The following C10orf143 variants were observed in gnomAD, a reference collection of about 807,000 sequenced individuals.
The protein encoded by C10orf143 is uncharacterized protein C10orf143.
intron 1 of C10orf143, among the ~76,000 whole-genome samples, chr10:130,102,417 C>T (rs1448884931): frequency 6.6e-6 from 1 of 152,112 alleles, no homozygotes; most frequent in African/African-American, 2.4e-5. Context: ...GGATTATAGG[C>T]GCCTGCCACC....
chr10:130,103,462 C>T (rs943636045), intron 1 of C10orf143, among the ~76,000 whole-genome samples: 1 of 152,006 alleles, frequency 6.6e-6, no homozygotes, highest in Non-Finnish European at 1.5e-5. Context: ...TGTACTCCAG[C>T]CTGGGTGACA....
At chr10:130,093,324 T>A (rs1269791360) in intron 1 of C10orf143, among the ~76,000 whole-genome samples, 1 of 152,066 alleles carries the variant, frequency 6.6e-6, no homozygotes, top group Admixed American at 6.5e-5. Flanking sequence ...AATAGGTAAA[T>A]AACGAAATTA....
chr10:130,080,619 G>A (rs649830), intron 1 of C10orf143, among the ~76,000 whole-genome samples: 91,405 of 151,996 alleles, frequency 0.6, 28,205 homozygotes, highest in Admixed American at 0.71. Flanking sequence ...CACCCCAGGA[G>A]CCCTGGCAGC....
At chr10:130,035,941 C>G (rs1386592306) in exon 4 of C10orf143, 2 of 152,180 alleles carry the variant, frequency 1.3e-5, no homozygotes, top group African/African-American at 4.8e-5. Context: ...TCCCGGCTTG[C>G]CAATGCCTGT....
intron 1 of C10orf143, among the ~76,000 whole-genome samples, chr10:130,091,038 C>A (rs187288713): frequency 6.6e-6 from 1 of 152,190 alleles, no homozygotes; most frequent in African/African-American, 2.4e-5. Flanking sequence ...AAGAGAGAAG[C>A]GGGATCTCCT....
At chr10:130,076,690 C>A (rs1312861761) in intron 3 of C10orf143, among the ~76,000 whole-genome samples, 1 of 152,214 alleles carries the variant, frequency 6.6e-6, no homozygotes, top group East Asian at 1.9e-4. Context: ...AGACCTCTGG[C>A]AGACCCCTAA....
chr10:130,060,690 A>G (rs149467533), downstream of C10orf143, among the ~76,000 whole-genome samples: 734 of 151,826 alleles, frequency 4.8e-3, 5 homozygotes, highest in African/African-American at 0.016. Flanking sequence ...CGGGCGTGGT[A>G]GCGGGCACCT....
intron 1 of C10orf143, among the ~76,000 whole-genome samples, chr10:130,098,887 A>G (rs1861503454): frequency 6.6e-6 from 1 of 152,112 alleles, no homozygotes; most frequent in Admixed American, 6.6e-5. Flanking sequence ...GGAGTTCAAG[A>G]CCAGCCTGGC....
chr10:130,077,056 A>G (rs1861130256), intron 3 of C10orf143, among the ~76,000 whole-genome samples: 1 of 152,154 alleles, frequency 6.6e-6, no homozygotes, highest in African/African-American at 2.4e-5. Context: ...CCTAAATAAT[A>G]ATGTACAGCA....
At chr10:130,091,284 T>C (rs1041251205) in intron 1 of C10orf143, among the ~76,000 whole-genome samples, 1 of 152,230 alleles carries the variant, frequency 6.6e-6, no homozygotes, top group African/African-American at 2.4e-5. Context: ...AAACAGGGTC[T>C]GGAGTGGACC....
intron 1 of C10orf143, chr10:130,107,174 C>A: frequency 6.4e-7 from 1 of 1,550,786 alleles, no homozygotes; most frequent in Non-Finnish European, 8.9e-7. Context: ...TCAGAAGCTT[C>A]AACAGAAACT....
At chr10:130,074,750 C>T (rs996741092) in intron 3 of C10orf143, among the ~76,000 whole-genome samples, 1 of 151,994 alleles carries the variant, frequency 6.6e-6, no homozygotes, top group Non-Finnish European at 1.5e-5. Flanking sequence ...TAAAGGTAAC[C>T]CATTTGGAGA....
At chr10:130,049,464 C>G (rs1384647035) in intron 3 of C10orf143, among the ~76,000 whole-genome samples, 1 of 152,176 alleles carries the variant, frequency 6.6e-6, no homozygotes, top group African/African-American at 2.4e-5. Context: ...GTGCGGCAGA[C>G]CGGGCAGCCC....
At chr10:130,042,697 C>T in intron 3 of C10orf143, among the ~76,000 whole-genome samples, 1 of 152,220 alleles carries the variant, frequency 6.6e-6, no homozygotes, top group East Asian at 1.9e-4. Flanking sequence ...TGCCGAAAGC[C>T]ACATACTGTT....
At chr10:130,070,590 G>C (rs1005856891) in intron 3 of C10orf143, among the ~76,000 whole-genome samples, 2 of 152,134 alleles carry the variant, frequency 1.3e-5, no homozygotes, top group African/African-American at 4.8e-5. Flanking sequence ...TAAAACATTA[G>C]ATATCACCAA....
At chr10:130,071,748 C>A (rs1263813175) in intron 3 of C10orf143, among the ~76,000 whole-genome samples, 1 of 152,186 alleles carries the variant, frequency 6.6e-6, no homozygotes, top group Admixed American at 6.5e-5. Flanking sequence ...CTGCCTCAGC[C>A]TCCCGAGTAG....
chr10:130,110,622 C>G, intron 1 of C10orf143, 82 bp downstream of exon 1: 1 of 398,366 alleles, frequency 2.5e-6, no homozygotes, highest in South Asian at 1.3e-4. Context: ...CAGGGCCGCG[C>G]CGGCAAAAAC....
At chr10:130,088,345 T>C (rs369743700) in intron 1 of C10orf143, among the ~76,000 whole-genome samples, 1 of 152,000 alleles carries the variant, frequency 6.6e-6, no homozygotes, top group Non-Finnish European at 1.5e-5. Flanking sequence ...GATCGCGCCA[T>C]TGCACTCCAG....
At chr10:130,050,576 G>C (rs1443084584) in intron 3 of C10orf143, among the ~76,000 whole-genome samples, 6 of 152,032 alleles carry the variant, frequency 3.9e-5, no homozygotes, top group Non-Finnish European at 2.9e-5. Context: ...CAAAATAAAG[G>C]CAAAATGGAA....
Sources: allele counts gnomAD v4.1 joint callset (sites outside exome capture counted in the v4.1 genomes callset), GRCh38; gene constraint gnomAD v4.1.1; transcripts MANE v1.5; gene names NCBI Gene and HGNC (gene_info 2026-07-23, HGNC 2026-07-21).